Variants in CEP44 observed in about 807,000 individuals in gnomAD.
CEP44 encodes centrosomal protein of 44 kDa.
CEP44 carries 45 observed loss-of-function variants against 46.7 expected under a neutral mutation model. The ratio of observed to expected loss-of-function variants is 0.96; its 90% CI spans 0.76 to 1.24. The LOEUF (loss-of-function observed/expected upper bound fraction) is 1.24, where lower values mean the gene tolerates loss of function less well. CEP44 is among the 50% of genes most tolerant of loss of function. CEP44 has a pLI of 0.00. For synonymous variants in CEP44, 142 were observed against 146.0 expected (o/e 0.97, Z 0.20); for missense variants, 475 against 459.7 (o/e 1.03, Z -0.30).
chr4:174,316,022 A>T, intron 9 of CEP44, 144 bp from the exon 10 acceptor site: 1 of 923,484 alleles, frequency 1.1e-6, no homozygotes, highest in Non-Finnish European at 1.6e-6. Context: ...CTGTTACCTT[A>T]AGAGTACTAA....
rs191026141 is a variant in CEP44, at chr4:174,302,441, A to T, written c.237+255A>T. On this transcript the variant is annotated intron_variant, in intron 4 of 11. Coordinates refer to ENST00000503780, the MANE Select transcript of CEP44 (RefSeq NM_001040157.3). ...GGCTATTGTTTGCCCTTTTTAATCA[A>T]ATTTTAGTAAAATTTGATATACTGG... Among the ~76,000 whole-genome samples the T allele has an allele frequency of 2.2e-3, 340 of 152,266 alleles. 2 individuals are homozygous for T. Among genetic ancestry groups the T allele is most frequent in the African/African-American group, 7.6e-3 (314 of 41,566 alleles).
In CEP44 at chr4:174,329,564, T is replaced by C. The variant is rs1006882728; in HGVS notation, c.1087-1918T>C. ...TAGCATTATCTTGCTTCCAGGATAA[T>C]GTTCTCACACTTTATAGCTTGAAGA... On this transcript the variant is annotated intron_variant, in intron 8 of 8. Coordinates refer to the CEP44 transcript ENST00000426172. The surrounding 1 kb of genome is among the most constrained non-coding windows in gnomAD (Gnocchi z 4.0). 6.6e-6 allele frequency among the ~76,000 whole-genome samples: 1 copy of C among 152,214 alleles called. No individual in the cohort carries two copies. Among genetic ancestry groups the C allele is most frequent in the Non-Finnish European group, 1.5e-5 (1 of 68,030 alleles).
At chr4:174,330,953 C>T (rs1268799129) in intron 8 of CEP44, among the ~76,000 whole-genome samples, 1 of 152,038 alleles carries the variant, frequency 6.6e-6, no homozygotes, top group Admixed American at 6.6e-5. Context: ...TAAAAAGTAC[C>T]ATGGTAAACA....
intron 1 of CEP44, among the ~76,000 whole-genome samples, chr4:174,296,411 A>G (rs1374657648): frequency 6.6e-6 from 1 of 152,022 alleles, no homozygotes; most frequent in Non-Finnish European, 1.5e-5. Flanking sequence ...TGAACCTTTC[A>G]GTTTGGTCCT....
chr4:174,313,610 A>G (rs1741343468), intron 9 of CEP44, among the ~76,000 whole-genome samples: 2 of 152,228 alleles, frequency 1.3e-5, no homozygotes, highest in Non-Finnish European at 2.9e-5. Flanking sequence ...TTAGGAAAGT[A>G]AGATAGGCAA....
At position 174,317,873 on chromosome 4, in the gene CEP44, G is replaced by A. The variant is rs936517972; in HGVS notation, c.*490G>A. 1.0e-6 allele frequency: 1 copy of A among 985,454 alleles called. No individual in the cohort carries two copies. The highest frequency in any genetic ancestry group is 1.2e-6 in the Non-Finnish European group (1 of 829,738). 61.0% of individuals were successfully genotyped at this position (985,454 alleles called of 1,614,324 possible). A position where few individuals can be genotyped will look rare whatever the true frequency, so the allele number is the denominator to read the frequency against. On this transcript the variant is annotated 3_prime_UTR_variant, in exon 12 of 12. Transcript: ENST00000503780. ...CATTGAAAATTAAATAAAACAAAAA[G>A]GCAGTTATTTCATGCTTGGTCAAAA...
chr4:174,317,187 T>C (rs1217589602), intron 11 of CEP44, 148 bp from the exon 12 acceptor site: 1 of 348,388 alleles, frequency 2.9e-6, no homozygotes, highest in African/African-American at 2.1e-5. Flanking sequence ...CCTCTGGTCA[T>C]ACTTAAGTTT....
intron 6 of CEP44, among the ~76,000 whole-genome samples, chr4:174,306,088 C>T (rs1055224563): frequency 7.9e-5 from 12 of 151,912 alleles, no homozygotes; most frequent in Non-Finnish European, 1.0e-4. Flanking sequence ...CAAATTGTCT[C>T]CTATCCCAGT....
exon 9 of CEP44, chr4:174,332,267 AAAAT>A (rs1477952281): frequency 6.6e-6 from 1 of 152,348 alleles, no homozygotes; most frequent in East Asian, 1.9e-4. Context: ...AATATGAAGA[AAAAT>A]AAATTAAGTC....
At chr4:174,291,792 T>TTTTTTTTC (rs1560887831) in intron 1 of CEP44, among the ~76,000 whole-genome samples, 1 of 118,534 alleles carries the variant, frequency 8.4e-6, no homozygotes, top group East Asian at 2.2e-4. Context: ...CTTTTCTTTT[T>TTTTTTTTC]TTTTTTTTTT....
At chr4:174,300,506 T>G (rs1439435822) in intron 3 of CEP44, among the ~76,000 whole-genome samples, 1 of 152,168 alleles carries the variant, frequency 6.6e-6, no homozygotes, top group South Asian at 2.1e-4. Flanking sequence ...TTCTAAAATA[T>G]ACCAGTATTA....
chr4:174,313,686 A>C (rs907628396), intron 9 of CEP44, among the ~76,000 whole-genome samples: 1 of 152,204 alleles, frequency 6.6e-6, no homozygotes, highest in Non-Finnish European at 1.5e-5. Flanking sequence ...CTACTAAGGC[A>C]ATGATAGTGA....
exon 9 of CEP44, chr4:174,332,917 T>A (rs905699092): frequency 6.6e-6 from 1 of 152,158 alleles, no homozygotes; most frequent in Non-Finnish European, 1.5e-5. Flanking sequence ...GAGACATTCC[T>A]TTCTAACTAA....
At chr4:174,291,212 TCTC>T (rs1157109895) in intron 1 of CEP44, among the ~76,000 whole-genome samples, 1 of 151,714 alleles carries the variant, frequency 6.6e-6, no homozygotes, top group Non-Finnish European at 1.5e-5. Context: ...GCTTTCTGTT[TCTC>T]CTGTTTTTCT....
rs1259259756 is a variant in CEP44 at position 174,312,532 on chromosome 4, G to C, written c.961+1674G>C. 1.3e-5 allele frequency among the ~76,000 whole-genome samples: 2 copies of C among 152,012 alleles called. No homozygotes were observed. Among genetic ancestry groups the C allele is most frequent in the Admixed American group, 1.3e-4 (2 of 15,248 alleles). Reference sequence around the variant, plus strand: ...TTGCTCAGGCTGGTCTTGAACTCCTGGGCTCAAGCAATCCTCCCATCTCTG... The same window carrying C: ...TTGCTCAGGCTGGTCTTGAACTCCTCGGCTCAAGCAATCCTCCCATCTCTG... On this transcript the variant is annotated intron_variant, in intron 9 of 11. Coordinates refer to ENST00000503780, the MANE Select transcript of CEP44 (RefSeq NM_001040157.3). The surrounding 1 kb of genome is among the most constrained non-coding windows in gnomAD (Gnocchi z 4.5).
chr4:174,284,786 C>A (rs1258412430), intron 1 of CEP44, among the ~76,000 whole-genome samples: 1 of 152,172 alleles, frequency 6.6e-6, no homozygotes, highest in East Asian at 1.9e-4. Context: ...ATATCTTTTG[C>A]AGTTTCATAA....
At chr4:174,299,261 A>G (rs1228845109) in intron 3 of CEP44, 51 bp downstream of exon 3, 2 of 1,462,454 alleles carry the variant, frequency 1.4e-6, no homozygotes, top group Non-Finnish European at 1.9e-6. Flanking sequence ...GTGATTTGAG[A>G]TGATATTTAA....
chr4:174,311,152 C>G lies in CEP44; in HGVS notation c.961+294C>G, dbSNP rs1296727446. 6.6e-6 allele frequency among the ~76,000 whole-genome samples: 1 copy of G among 151,828 alleles called. No homozygotes were observed. The highest frequency in any genetic ancestry group is 1.5e-5 in the Non-Finnish European group (1 of 67,848). On this transcript the variant is annotated intron_variant, in intron 9 of 11. Transcript: ENST00000503780. This position sits in a 1 kb window ranked among gnomAD's most constrained non-coding sequence, Gnocchi z 4.4. ...AAGTGCTCTAGGATATTAATGTTGG[C>G]CTCCAAGTTTTTAAATTTAAGCTTA...
Position 174,310,687 on chromosome 4 carries a change from C to T in CEP44, c.886-96C>T. 1.5e-6 allele frequency: 1 copy of T among 662,498 alleles called. No individual in the cohort carries two copies. Among genetic ancestry groups the T allele is most frequent in the Non-Finnish European group, 2.6e-6 (1 of 383,610 alleles). The allele number at this position is 662,498 out of a possible 1,614,324, so 41.0% of individuals were successfully genotyped here. On this transcript the variant is annotated intron_variant, in intron 8 of 11. Transcript: ENST00000503780. This position sits in a 1 kb window ranked among gnomAD's most constrained non-coding sequence, Gnocchi z 4.2. The stretch of plus-strand genomic sequence containing the variant: ...AAATTAAAAATATTTAAACATTTAT[C>T]ATGCTACCTTTATATTTTATGCTCA...
Sources: gnomAD v4.1 joint callset for allele counts (sites outside exome capture counted in the v4.1 genomes callset) on GRCh38, gnomAD v4.1.1 for gene constraint, Gnocchi (gnomAD v3.1) non-coding constraint, MANE v1.5 for transcripts, NCBI Gene and HGNC (gene_info 2026-07-23, HGNC 2026-07-21) for gene names.